Variants in GSK3B observed in about 807,000 individuals in gnomAD.
GSK3B encodes the protein glycogen synthase kinase-3 beta.
Under a neutral mutation model 56.4 loss-of-function variants are expected in GSK3B, and 15 were observed. The ratio of observed to expected loss-of-function variants is 0.27; its 90% CI spans 0.18 to 0.41. GSK3B has a LOEUF of 0.41. Ranked by LOEUF, GSK3B falls within the 10% of genes least tolerant of loss-of-function variation. GSK3B has a pLI of 1.00. For synonymous variants in GSK3B, 181 were observed against 188.9 expected, an observed-to-expected ratio of 0.96 and a Z score of 0.34; for missense variants, 300 against 513.4, an observed-to-expected ratio of 0.58 and a Z score of 4.02.
chr3:119,967,678 A>G (rs373216128), intron 2 of GSK3B, among the ~76,000 whole-genome samples: 16 of 152,160 alleles, frequency 1.1e-4, no homozygotes, highest in Admixed American at 3.9e-4. Flanking sequence ...GCTTTGGACA[A>G]CTGGATATTC....
chr3:120,067,247 A>C (rs1458180313), intron 1 of GSK3B, among the ~76,000 whole-genome samples: 1 of 152,112 alleles, frequency 6.6e-6, no homozygotes, highest in Admixed American at 6.6e-5. Flanking sequence ...AAAAAAAAAA[A>C]AAAAAGAGAG....
chr3:119,987,587 GC>G (rs1401374802), intron 2 of GSK3B, among the ~76,000 whole-genome samples: 5 of 151,958 alleles, frequency 3.3e-5, no homozygotes, highest in Non-Finnish European at 7.4e-5. Context: ...TGTAAATTGG[GC>G]ATTAAAACAA....
chr3:119,966,463 CTT>C (rs1360619907), intron 2 of GSK3B, among the ~76,000 whole-genome samples: 1 of 152,124 alleles, frequency 6.6e-6, no homozygotes, highest in Non-Finnish European at 1.5e-5. Flanking sequence ...GGTAAAATGA[CTT>C]CTCCAATTTC....
intron 9 of GSK3B, among the ~76,000 whole-genome samples, chr3:119,849,961 A>G (rs1298898213): frequency 6.6e-6 from 1 of 152,130 alleles, no homozygotes; most frequent in East Asian, 1.9e-4. Context: ...AATCATCTCT[A>G]GATTACTTAT....
chr3:120,027,465 G>A (rs982918296), intron 1 of GSK3B, among the ~76,000 whole-genome samples: 2 of 151,062 alleles, frequency 1.3e-5, no homozygotes, highest in African/African-American at 4.9e-5. Context: ...GCAAAAGAAA[G>A]TAAAAAGAAA....
chr3:119,902,201 AAAAC>A (rs766632061), intron 7 of GSK3B, among the ~76,000 whole-genome samples: 5 of 152,280 alleles, frequency 3.3e-5, no homozygotes, highest in East Asian at 3.9e-4. Flanking sequence ...TTTAACTTTG[AAAAC>A]AAACACATAT....
intron 9 of GSK3B, among the ~76,000 whole-genome samples, chr3:119,861,797 T>C (rs906046592): frequency 1.3e-5 from 2 of 152,166 alleles, no homozygotes; most frequent in Non-Finnish European, 2.9e-5. Flanking sequence ...GTAAGCACAC[T>C]CTGTAACGTC....
chr3:119,904,317 C>T (rs2056660521), intron 7 of GSK3B, among the ~76,000 whole-genome samples: 1 of 151,828 alleles, frequency 6.6e-6, no homozygotes, highest in Admixed American at 6.6e-5. Context: ...ATAAAGAAAG[C>T]AAACTATTCA....
intron 1 of GSK3B, among the ~76,000 whole-genome samples, chr3:120,058,517 A>C (rs2058209556): frequency 6.6e-6 from 1 of 152,126 alleles, no homozygotes; most frequent in Non-Finnish European, 1.5e-5. Flanking sequence ...AAATTCTTAC[A>C]TCTCAAGATG....
intron 9 of GSK3B, among the ~76,000 whole-genome samples, chr3:119,852,261 A>T (rs1382051413): frequency 6.6e-6 from 1 of 152,214 alleles, no homozygotes; most frequent in Non-Finnish European, 1.5e-5. Context: ...GAACTACATT[A>T]TAGTACAGGT....
At chr3:119,853,159 G>A (rs562785462) in intron 9 of GSK3B, among the ~76,000 whole-genome samples, 44 of 152,106 alleles carry the variant, frequency 2.9e-4, no homozygotes, top group South Asian at 6.2e-4. Flanking sequence ...CAGTTTTCCC[G>A]GCACCATTTA....
intron 2 of GSK3B, among the ~76,000 whole-genome samples, chr3:119,972,729 C>T (rs1442147575): frequency 6.6e-6 from 1 of 152,132 alleles, no homozygotes; most frequent in Non-Finnish European, 1.5e-5. Flanking sequence ...GCCACCGCGC[C>T]CACCTATTTT....
intron 1 of GSK3B, among the ~76,000 whole-genome samples, chr3:120,017,268 G>C (rs979871834): frequency 6.6e-6 from 1 of 152,158 alleles, no homozygotes; most frequent in African/African-American, 2.4e-5. Context: ...GATCCAGTCA[G>C]TGGTCACATT....
chr3:119,922,378 TTATA>T (rs994770733), intron 4 of GSK3B, among the ~76,000 whole-genome samples: 2 of 148,126 alleles, frequency 1.4e-5, no homozygotes, highest in Non-Finnish European at 3.0e-5. Context: ...ATAGTATAGT[TTATA>T]TATAAATATG....
chr3:119,926,315 C>G (rs1432307974), intron 3 of GSK3B, among the ~76,000 whole-genome samples: 1 of 146,658 alleles, frequency 6.8e-6, no homozygotes, highest in Non-Finnish European at 1.5e-5. Context: ...CCAGCCCCTT[C>G]TCTCTTACAC....
At chr3:120,077,507 G>A (rs1002825808) in intron 1 of GSK3B, among the ~76,000 whole-genome samples, 3 of 152,210 alleles carry the variant, frequency 2.0e-5, no homozygotes, top group Admixed American at 6.5e-5. Context: ...ATGGGGAGAT[G>A]TAGGTCAAAG....
At chr3:120,056,771 C>G (rs996342272) in intron 1 of GSK3B, among the ~76,000 whole-genome samples, 7 of 152,120 alleles carry the variant, frequency 4.6e-5, no homozygotes, top group African/African-American at 1.7e-4. Flanking sequence ...GACAGATACC[C>G]CCAAAATGGG....
intron 2 of GSK3B, among the ~76,000 whole-genome samples, chr3:119,948,024 CCA>C (rs2057117298): frequency 1.3e-5 from 2 of 152,114 alleles, no homozygotes; most frequent in South Asian, 4.1e-4. Context: ...TTTCTTAATA[CCA>C]CAGACTTCGC....
Position 119,843,247 on chromosome 3 carries a change from G to T in GSK3B, c.1195+8C>A, listed in dbSNP as rs754864112. 6.3e-7 allele frequency: 1 copy of T among 1,575,074 alleles called. No homozygotes were observed. The highest frequency in any genetic ancestry group is 8.7e-7 in the Non-Finnish European group (1 of 1,147,542). On this transcript the variant is annotated splice_region_variant and intron_variant, in intron 10 of 10. Coordinates refer to ENST00000264235, the MANE Select transcript of GSK3B (RefSeq NM_001146156.2). Reference sequence around the variant, plus strand: ...TGTTTTTATAGAAGAGACTTAGAACGTTCTTACCTGACGCTGCTGTGGCAT... The same window carrying T: ...TGTTTTTATAGAAGAGACTTAGAACTTTCTTACCTGACGCTGCTGTGGCAT...
Sources: allele counts gnomAD v4.1 joint callset (sites outside exome capture counted in the v4.1 genomes callset), GRCh38; gene constraint gnomAD v4.1.1; transcripts MANE v1.5; gene names NCBI Gene and HGNC (gene_info 2026-07-23, HGNC 2026-07-21).